The following FARS2 variants were observed in gnomAD, a reference collection of about 807,000 sequenced individuals.
The protein encoded by FARS2 is phenylalanine--tRNA ligase, mitochondrial.
Under a neutral mutation model 46.4 loss-of-function variants are expected in FARS2, and 40 were observed. The ratio of observed to expected loss-of-function variants is 0.86; its 90% CI spans 0.67 to 1.12. FARS2 has a LOEUF of 1.12. Among genes scored for constraint, FARS2 ranks in the 50% most tolerant of loss-of-function variants. FARS2 has a pLI of 0.00. For missense variants in FARS2, 513 were observed against 567.9 expected, an observed-to-expected ratio of 0.90 and a Z score of 0.98; for synonymous variants, 234 against 214.9, an observed-to-expected ratio of 1.09 and a Z score of -0.78.
At chr6:5,748,634 G>T (rs1490616945) in intron 6 of FARS2, among the ~76,000 whole-genome samples, 1 of 152,256 alleles carries the variant, frequency 6.6e-6, no homozygotes, top group Non-Finnish European at 1.5e-5. Flanking sequence ...CATGGCTGGG[G>T]CCGAGAGAGG....
At chr6:5,470,860 T>C (rs1765770440) in intron 4 of FARS2, among the ~76,000 whole-genome samples, 1 of 152,244 alleles carries the variant, frequency 6.6e-6, no homozygotes, top group African/African-American at 2.4e-5. Context: ...TTTTTTTATC[T>C]TTTTAATATG....
rs551574191 is a variant in FARS2 at position 5,375,114 on chromosome 6, G to A, written c.612+5932G>A. Among the ~76,000 whole-genome samples, 5 of 144,990 alleles carry A rather than the reference G, an allele frequency of 3.4e-5. No individual in the cohort carries two copies. In the East Asian group the frequency reaches 7.7e-4, roughly 22 times the overall value. On this transcript the variant is annotated intron_variant, in intron 2 of 6. Transcript: ENST00000274680. ...CCAGAAAGAGAAATAGAAGGCATAA[G>A]CATTGGAAAACATAGATAAAACTGC...
intron 4 of FARS2, among the ~76,000 whole-genome samples, chr6:5,523,397 A>G (rs557673434): frequency 1.3e-5 from 2 of 150,626 alleles, no homozygotes; most frequent in African/African-American, 4.9e-5. Flanking sequence ...CATGGGTGTG[A>G]CCAGTATACA....
chr6:5,344,287 G>A (rs966896738), intron 1 of FARS2, among the ~76,000 whole-genome samples: 5 of 152,174 alleles, frequency 3.3e-5, no homozygotes, highest in Admixed American at 3.3e-4. Flanking sequence ...TCCTGGAGAC[G>A]GAGGCACACA....
intron 4 of FARS2, among the ~76,000 whole-genome samples, chr6:5,458,420 T>G (rs1224945264): frequency 6.6e-6 from 1 of 152,164 alleles, no homozygotes; most frequent in Non-Finnish European, 1.5e-5. Flanking sequence ...GTCCAGCCCC[T>G]TGGCCAGCCA....
intron 6 of FARS2, among the ~76,000 whole-genome samples, chr6:5,651,965 G>C (rs765277915): frequency 2.6e-5 from 4 of 152,138 alleles, no homozygotes; most frequent in Non-Finnish European, 5.9e-5. Context: ...TGGGAAAGCT[G>C]GGGGAAACAG....
At chr6:5,260,674 G>T, upstream of FARS2, 1 of 1,548,558 alleles carries the variant, frequency 6.5e-7, no homozygotes, top group Non-Finnish European at 8.7e-7. Context: ...TGAAACGCTT[G>T]CTCTCTCTCA....
chr6:5,547,993 G>T (rs113544010), intron 5 of FARS2, among the ~76,000 whole-genome samples: 474 of 152,330 alleles, frequency 3.1e-3, no homozygotes, highest in Non-Finnish European at 4.6e-3. Context: ...TTAATTGGAC[G>T]TACAGTTCCA....
chr6:5,658,039 C>T (rs1373093670), intron 6 of FARS2, among the ~76,000 whole-genome samples: 2 of 152,186 alleles, frequency 1.3e-5, no homozygotes, highest in Non-Finnish European at 2.9e-5. Flanking sequence ...GGCGGATCAC[C>T]TGAGGTGGGG....
At chr6:5,715,998 C>A (rs1759471099) in intron 6 of FARS2, among the ~76,000 whole-genome samples, 1 of 152,148 alleles carries the variant, frequency 6.6e-6, no homozygotes, top group Admixed American at 6.5e-5. Flanking sequence ...TTTATTATAG[C>A]CATCCTAGTG....
At chr6:5,381,061 C>T (rs1184269868) in intron 2 of FARS2, among the ~76,000 whole-genome samples, 3 of 151,028 alleles carry the variant, frequency 2.0e-5, no homozygotes, top group Admixed American at 6.6e-5. Flanking sequence ...AGTGCAGTGG[C>T]GCGATCTTGG....
At chr6:5,406,473 G>A (rs1423263597) in intron 3 of FARS2, among the ~76,000 whole-genome samples, 1 of 152,122 alleles carries the variant, frequency 6.6e-6, no homozygotes, top group African/African-American at 2.4e-5. Context: ...CATGTGATCT[G>A]CTTTCTGGTG....
rs184007080 is a variant in FARS2, at chr6:5,388,233, T to G, written c.613-16309T>G. 3.9e-3 allele frequency among the ~76,000 whole-genome samples: 594 copies of G among 152,324 alleles called. 2 individuals carry two copies. The highest frequency in any genetic ancestry group is 0.014 in the African/African-American group (574 of 41,554). On this transcript the variant is annotated intron_variant, in intron 2 of 6. Transcript: ENST00000274680. ...ATTATCTTATCTTAAACCCTATGTC[T>G]TCTTATTTCAAAAATCATACACTTG...
chr6:5,256,490 G>GAAAAAAAAAAAAAA (rs777995486), upstream of FARS2, among the ~76,000 whole-genome samples: 67 of 37,522 alleles, frequency 1.8e-3, 22 homozygotes, highest in Non-Finnish European at 2.3e-3. Flanking sequence ...GATTTCAACT[G>GAAAAAAAAAAAAAA]GAAAAAAAAA....
intron 5 of FARS2, among the ~76,000 whole-genome samples, chr6:5,593,441 A>G (rs1172971666): frequency 6.6e-6 from 1 of 152,162 alleles, no homozygotes; most frequent in Non-Finnish European, 1.5e-5. Context: ...AACACCTCCA[A>G]CTGAAATGAT....
rs575019507 is a variant in FARS2, at chr6:5,433,110, G to A, written c.904+1938G>A. Among the ~76,000 whole-genome samples, 12 of 152,298 alleles carry A rather than the reference G, an allele frequency of 7.9e-5. No individual in the cohort carries two copies. In the South Asian group the frequency reaches 2.3e-3, roughly 29 times the overall value. On this transcript the variant is annotated intron_variant, in intron 4 of 6. Transcript: ENST00000274680. Reference sequence around the variant, plus strand: ...CACAGAGGTTGACATCAGGACCTGGGAGGAGAAGTTGTGAGGCCTGGGCTT... The same window carrying A: ...CACAGAGGTTGACATCAGGACCTGGAAGGAGAAGTTGTGAGGCCTGGGCTT...
chr6:5,465,632 C>G (rs1261420482), intron 4 of FARS2, among the ~76,000 whole-genome samples: 1 of 152,134 alleles, frequency 6.6e-6, no homozygotes, highest in Non-Finnish European at 1.5e-5. Context: ...CCAGTGTTAC[C>G]TTCTATAGCC....
intron 2 of FARS2, among the ~76,000 whole-genome samples, chr6:5,389,822 A>G (rs1435652284): frequency 2.0e-5 from 3 of 151,256 alleles, no homozygotes; most frequent in Non-Finnish European, 4.4e-5. Context: ...CTCCTACTAC[A>G]GTTTTTTTGT....
intron 6 of FARS2, among the ~76,000 whole-genome samples, chr6:5,676,156 T>C (rs578217908): frequency 1.3e-5 from 2 of 152,250 alleles, no homozygotes; most frequent in South Asian, 4.1e-4. Flanking sequence ...CCCATTTATG[T>C]ACGCAAGAAG....
Sources: allele counts gnomAD v4.1 joint callset (sites outside exome capture counted in the v4.1 genomes callset), GRCh38; gene constraint gnomAD v4.1.1; transcripts MANE v1.5; gene names NCBI Gene and HGNC (gene_info 2026-07-23, HGNC 2026-07-21).